The following TRIM22 variants were observed in gnomAD, a reference collection of about 807,000 sequenced individuals.
The protein encoded by TRIM22 is E3 ubiquitin-protein ligase TRIM22.
Under a neutral mutation model 53.6 loss-of-function variants are expected in TRIM22, and 45 were observed. The observed-to-expected ratio is 0.84, with a 90% CI of 0.66 to 1.08. The LOEUF is 1.08. Among genes scored for constraint, TRIM22 ranks in the 50% least tolerant of loss-of-function variants. TRIM22 has a pLI of 0.00. For synonymous variants in TRIM22, 225 were observed against 216.6 expected (o/e 1.04, Z -0.34); for missense variants, 616 against 590.9 (o/e 1.04, Z -0.44).
intron 4 of TRIM22, among the ~76,000 whole-genome samples, chr11:5,705,864 T>C (rs1853449890): frequency 6.6e-6 from 1 of 152,170 alleles, no homozygotes; most frequent in Non-Finnish European, 1.5e-5. Flanking sequence ...TACTTGGTCC[T>C]GTGGCTTGTT....
intron 4 of TRIM22, among the ~76,000 whole-genome samples, chr11:5,700,448 G>A (rs1235933011): frequency 1.3e-5 from 2 of 151,980 alleles, no homozygotes; most frequent in Non-Finnish European, 2.9e-5. Flanking sequence ...GTCTTTGCTT[G>A]TTTTATTACA....
intron 7 of TRIM22, 120 bp from the exon 8 acceptor site, chr11:5,708,929 TCTGA>T (rs757450119): frequency 1.4e-4 from 112 of 785,202 alleles, no homozygotes; most frequent in African/African-American, 3.7e-4. Context: ...CCTACTAACC[TCTGA>T]CTATCAACAC....
At position 5,698,483 on chromosome 11, in the gene TRIM22, G is replaced by A. The variant is rs555462493; in HGVS notation, c.688G>A (p.Ala230Thr). 9 of 1,614,040 alleles carry A rather than the reference G, an allele frequency of 5.6e-6. No individual in the cohort carries two copies. The highest frequency in any genetic ancestry group is 5.3e-5 in the African/African-American group (4 of 75,028). ...CCAGCTGGTCCAGCAGAGGCAGGAT[G>A]CCAGCACGCTCATCTCAGATCTCCA... ...TDQLVQQRQD[A>T]STLISDLQRR... Residue 230 changes from alanine to threonine, a missense_variant, in exon 4 of 8, where the codon GCC becomes ACC. Ala to Thr is a moderately conservative substitution (Grantham distance 58, BLOSUM62 0). Transcript: ENST00000379965.
chr11:5,693,828 T>C (rs1249067581), intron 1 of TRIM22, among the ~76,000 whole-genome samples: 1 of 151,896 alleles, frequency 6.6e-6, no homozygotes, highest in Non-Finnish European at 1.5e-5. Context: ...TTGGCTTAAA[T>C]AGCAGAAATA....
chr11:5,708,436 A>C, intron 6 of TRIM22, 141 bp from the exon 7 acceptor site: 1 of 985,702 alleles, frequency 1.0e-6, no homozygotes, highest in Non-Finnish European at 1.5e-6. Flanking sequence ...GGGAATGACC[A>C]GGTGTCTGAT....
chr11:5,700,588 T>TG, intron 4 of TRIM22, among the ~76,000 whole-genome samples: 1 of 117,198 alleles, frequency 8.5e-6, no homozygotes, highest in Non-Finnish European at 1.8e-5. Context: ...AGGAGTCTTT[T>TG]TTTTTTTTTT....
intron 1 of TRIM22, chr11:5,690,950 G>C (rs1195234695): frequency 6.6e-6 from 1 of 152,240 alleles, no homozygotes; most frequent in Non-Finnish European, 1.5e-5. Flanking sequence ...TTGCCTTCTG[G>C]TAACTTTTTG....
intron 4 of TRIM22, among the ~76,000 whole-genome samples, chr11:5,705,610 C>T (rs1038713179): frequency 5.3e-5 from 8 of 151,532 alleles, no homozygotes; most frequent in South Asian, 2.1e-4. Flanking sequence ...GATCAGACAG[C>T]GGGAGATCAA....
intron 4 of TRIM22, 26 bp downstream of exon 4, chr11:5,698,571 G>A (rs372191694): frequency 8.1e-5 from 127 of 1,571,414 alleles, no homozygotes; most frequent in Admixed American, 4.0e-4. Flanking sequence ...GAGCACCTAC[G>A]TAAGAGATTA....
At chr11:5,701,836 G>A (rs2343233) in intron 4 of TRIM22, among the ~76,000 whole-genome samples, 47,944 of 151,784 alleles carry the variant, frequency 0.32, 8,807 homozygotes, top group African/African-American at 0.5. Context: ...ACTAAATCTC[G>A]GTTGTTTAAA....
intron 4 of TRIM22, among the ~76,000 whole-genome samples, chr11:5,699,027 T>C (rs1396435745): frequency 2.0e-5 from 3 of 152,242 alleles, no homozygotes; most frequent in African/African-American, 7.2e-5. Context: ...TTTATTTATA[T>C]TGCAGTATGT....
Position 5,709,274 on chromosome 11 carries a change from A to C in TRIM22, c.1123A>C (p.Ile375Leu). Residue 375 changes from isoleucine to leucine, a missense_variant, in exon 8 of 8, where the codon ATA becomes CTA. Ile to Leu is a conservative substitution (Grantham distance 5). Transcript: ENST00000379965. ...CTGGATCCTGGGCGTACACAGTAAA[A>C]TAAGTAGTCTGAATAAAAGGAAGAG... ...IAWILGVHSKISSLNKRKSSG... is the reference protein window; with the variant it reads ...IAWILGVHSKLSSLNKRKSSG... 1 of 1,614,110 alleles carries C rather than the reference A, an allele frequency of 6.2e-7. No individual in the cohort carries two copies. The highest frequency in any genetic ancestry group is 8.5e-7 in the Non-Finnish European group (1 of 1,180,010).
chr11:5,694,313 G>A lies in TRIM22; in HGVS notation c.-66-1854G>A, dbSNP rs140976520. On this transcript the variant is annotated intron_variant, in intron 1 of 7. Coordinates refer to ENST00000379965, the MANE Select transcript of TRIM22 (RefSeq NM_006074.5). ...AATGTATATTGAGTCTATATCATGT[G>A]TGTGATCCTATAACTATTTTAGCCT... Among the ~76,000 whole-genome samples the A allele has an allele frequency of 6.0e-4, 92 of 152,280 alleles. 2 individuals are homozygous for A. The highest frequency in any genetic ancestry group is 2.5e-4 in the Non-Finnish European group (17 of 68,000).
chr11:5,698,633 C>G, intron 4 of TRIM22, 88 bp downstream of exon 4: 2 of 1,107,192 alleles, frequency 1.8e-6, no homozygotes, highest in Non-Finnish European at 2.6e-6. Context: ...TCTAGGCTTT[C>G]TTCTGTGTGG....
At chr11:5,697,633 C>T (rs1853289224) in intron 3 of TRIM22, 2 of 329,484 alleles carry the variant, frequency 6.1e-6, no homozygotes, top group Non-Finnish European at 1.1e-5. Context: ...GGCTCCAATC[C>T]TTCCAGTAAA....
intron 1 of TRIM22, among the ~76,000 whole-genome samples, chr11:5,695,391 A>AT (rs1853241450): frequency 6.6e-6 from 1 of 152,126 alleles, no homozygotes; most frequent in Non-Finnish European, 1.5e-5. Flanking sequence ...TTGAGGAGGT[A>AT]TTTTTTACAT....
chr11:5,697,453 A>G (rs1419737120), intron 3 of TRIM22, 110 bp downstream of exon 3: 4 of 735,190 alleles, frequency 5.4e-6, no homozygotes, highest in Non-Finnish European at 8.7e-6. Context: ...TAACAAGCAT[A>G]GAAGTCATTT....
At chr11:5,692,263 C>T (rs1853185128) in intron 1 of TRIM22, among the ~76,000 whole-genome samples, 1 of 152,178 alleles carries the variant, frequency 6.6e-6, no homozygotes, top group Non-Finnish European at 1.5e-5. Context: ...TTGTCAAGGG[C>T]TTTGCAACTT....
intron 4 of TRIM22, among the ~76,000 whole-genome samples, chr11:5,699,093 A>G (rs1234291075): frequency 1.3e-5 from 2 of 152,222 alleles, no homozygotes; most frequent in Non-Finnish European, 2.9e-5. Context: ...ATATCATATT[A>G]TGTTTATGTA....
Sources: allele counts gnomAD v4.1 joint callset (sites outside exome capture counted in the v4.1 genomes callset), GRCh38; gene constraint gnomAD v4.1.1; transcripts MANE v1.5; gene names NCBI Gene and HGNC (gene_info 2026-07-23, HGNC 2026-07-21).